ZSWIM6: variants seen among roughly 807,000 people sequenced by gnomAD.
The protein encoded by ZSWIM6 is zinc finger SWIM domain-containing protein 6.
Under a neutral mutation model 113.2 loss-of-function variants are expected in ZSWIM6, and 9 were observed. The observed-to-expected ratio is 0.08, with a 90% confidence interval of 0.05 to 0.14. The LOEUF (loss-of-function observed/expected upper bound fraction) is 0.14, where lower values mean the gene tolerates loss of function less well. Among genes scored for constraint, ZSWIM6 ranks in the 10% least tolerant of loss-of-function variants. The pLI is 1.00. For missense variants in ZSWIM6, 1,162 were observed against 1,552.2 expected (o/e 0.75, Z 4.22); for synonymous variants, 611 against 606.5 (o/e 1.01, Z -0.11).
chr5:61,377,887 A>G (rs1745404143), intron 1 of ZSWIM6, among the ~76,000 whole-genome samples: 1 of 152,258 alleles, frequency 6.6e-6, no homozygotes, highest in African/African-American at 2.4e-5. Flanking sequence ...TAGAAATGAG[A>G]GATAAATGTA....
chr5:61,363,866 TTCCTTCCC>T (rs1197121952), intron 1 of ZSWIM6, among the ~76,000 whole-genome samples: 1 of 111,382 alleles, frequency 9.0e-6, no homozygotes, highest in Non-Finnish European at 2.1e-5. Flanking sequence ...CCTTCCTTCC[TTCCTTCCC>T]TCCTTCCTTC....
intron 1 of ZSWIM6, among the ~76,000 whole-genome samples, chr5:61,371,686 A>G (rs1056674259): frequency 3.3e-5 from 5 of 152,298 alleles, no homozygotes; most frequent in Non-Finnish European, 7.4e-5. Flanking sequence ...TAGGAGGGCA[A>G]TCTGTTAAGT....
At chr5:61,375,677 C>T in intron 1 of ZSWIM6, 1 of 1,546,180 alleles carries the variant, frequency 6.5e-7, no homozygotes, top group East Asian at 2.4e-5. Flanking sequence ...GAAGATAAAC[C>T]TTTATCATCT....
intron 1 of ZSWIM6, among the ~76,000 whole-genome samples, chr5:61,396,931 TAAC>T (rs1181335845): frequency 6.6e-6 from 1 of 152,182 alleles, no homozygotes; most frequent in Non-Finnish European, 1.5e-5. Context: ...ATAAACATAA[TAAC>T]AATAAATTTG....
chr5:61,338,831 A>G (rs989391217), intron 1 of ZSWIM6, among the ~76,000 whole-genome samples: 2 of 152,170 alleles, frequency 1.3e-5, no homozygotes, highest in South Asian at 4.1e-4. Flanking sequence ...ATTGAGTTTC[A>G]TCTATTTTGC....
intron 1 of ZSWIM6, among the ~76,000 whole-genome samples, chr5:61,468,749 A>G (rs1426482668): frequency 1.3e-5 from 2 of 152,198 alleles, no homozygotes; most frequent in South Asian, 2.1e-4. Flanking sequence ...GTTCTCAGGT[A>G]TGATTTAGGA....
At position 61,378,280 on chromosome 5, in the gene ZSWIM6, A is replaced by G. The variant is rs187786214; in HGVS notation, c.676+45332A>G. On this transcript the variant is annotated intron_variant, in intron 1 of 13. Coordinates refer to ENST00000252744, the MANE Select transcript of ZSWIM6 (RefSeq NM_020928.2). Reference sequence around the variant, plus strand: ...AGACTGGTTAAATAAAAATTTGTCCATCGAAGATGGAGTAGCATGTAGTTA... The same window carrying G: ...AGACTGGTTAAATAAAAATTTGTCCGTCGAAGATGGAGTAGCATGTAGTTA... Among the ~76,000 whole-genome samples, 1,358 of 152,350 alleles carry G rather than the reference A, an allele frequency of 8.9e-3. 6 individuals carry two copies. The highest frequency in any genetic ancestry group is 0.014 in the Non-Finnish European group (926 of 68,034).
intron 1 of ZSWIM6, among the ~76,000 whole-genome samples, chr5:61,348,576 C>G (rs113552169): frequency 0.01 from 1,572 of 152,198 alleles, 14 homozygotes; most frequent in Non-Finnish European, 0.018. Flanking sequence ...GATTTATTGG[C>G]TTTACCACAT....
chr5:61,532,470 TGTGTGTTATTA>T (rs1190002060), intron 9 of ZSWIM6, among the ~76,000 whole-genome samples: 2 of 152,310 alleles, frequency 1.3e-5, no homozygotes, highest in East Asian at 3.9e-4. Flanking sequence ...CTCAAGTATA[TGTGTGTTATTA>T]GTGTGTTATT....
At chr5:61,536,895 C>T (rs1749589326) in intron 10 of ZSWIM6, among the ~76,000 whole-genome samples, 1 of 152,102 alleles carries the variant, frequency 6.6e-6, no homozygotes, top group African/African-American at 2.4e-5. Flanking sequence ...GCAAAAGTCC[C>T]CCACCAAATT....
chr5:61,352,147 A>G (rs1444303436), intron 1 of ZSWIM6, among the ~76,000 whole-genome samples: 6 of 152,016 alleles, frequency 3.9e-5, no homozygotes, highest in Admixed American at 2.0e-4. Flanking sequence ...GCCTTTGCCT[A>G]TGTTCTTTTT....
chr5:61,509,186 A>G (rs543034484), intron 4 of ZSWIM6, among the ~76,000 whole-genome samples: 2 of 152,304 alleles, frequency 1.3e-5, no homozygotes, highest in African/African-American at 4.8e-5. Context: ...GTCTTAGAGT[A>G]TTATACATTT....
chr5:61,403,820 G>A (rs976719327), intron 1 of ZSWIM6, among the ~76,000 whole-genome samples: 1 of 152,006 alleles, frequency 6.6e-6, no homozygotes, highest in Non-Finnish European at 1.5e-5. Context: ...TTTCAATCTT[G>A]GGAGCTTCTT....
intron 1 of ZSWIM6, among the ~76,000 whole-genome samples, chr5:61,457,039 A>G (rs1201587419): frequency 1.1e-4 from 17 of 151,730 alleles, no homozygotes; most frequent in East Asian, 3.9e-4. Flanking sequence ...ATATCTCCCA[A>G]TGCTATCCCT....
chr5:61,525,344 G>A (rs544141676), intron 5 of ZSWIM6, among the ~76,000 whole-genome samples: 6 of 152,258 alleles, frequency 3.9e-5, no homozygotes, highest in African/African-American at 1.4e-4. Context: ...TATCTTTAAA[G>A]GCTGACTGCA....
intron 1 of ZSWIM6, among the ~76,000 whole-genome samples, chr5:61,353,402 C>T (rs776881209): frequency 1.3e-5 from 2 of 152,138 alleles, no homozygotes; most frequent in Non-Finnish European, 2.9e-5. Flanking sequence ...TCAGGAGCAT[C>T]TGGGAAGTCT....
At chr5:61,516,114 TG>T (rs1748932599) in intron 4 of ZSWIM6, among the ~76,000 whole-genome samples, 1 of 151,892 alleles carries the variant, frequency 6.6e-6, no homozygotes, top group African/African-American at 2.4e-5. Flanking sequence ...TAGCCTGATT[TG>T]ACCATTTCTT....
intron 1 of ZSWIM6, among the ~76,000 whole-genome samples, chr5:61,345,548 T>C (rs1744639981): frequency 6.6e-6 from 1 of 152,244 alleles, no homozygotes; most frequent in Non-Finnish European, 1.5e-5. Context: ...ATAGTAATTG[T>C]ATTCTTTCTA....
At chr5:61,535,646 G>A in intron 10 of ZSWIM6, 27 bp downstream of exon 10, 1 of 1,549,706 alleles carries the variant, frequency 6.5e-7, no homozygotes, top group Middle Eastern at 1.7e-4. Flanking sequence ...CAGCTGGGCA[G>A]AGGCAGGCCA....
Sources: allele counts gnomAD v4.1 joint callset (sites outside exome capture counted in the v4.1 genomes callset), GRCh38; gene constraint gnomAD v4.1.1; transcripts MANE v1.5; gene names NCBI Gene and HGNC (gene_info 2026-07-23, HGNC 2026-07-21).